The following LAMB3 variants were observed in gnomAD, a reference collection of about 807,000 sequenced individuals.
The protein encoded by LAMB3 is laminin subunit beta-3.
Under a neutral mutation model 140.3 loss-of-function variants are expected in LAMB3, and 104 were observed. The ratio of observed to expected loss-of-function variants is 0.74; its 90% confidence interval spans 0.63 to 0.87. The LOEUF is 0.87. LAMB3 is among the 40% of genes least tolerant of loss of function. The pLI is 0.00. For missense variants in LAMB3, 1,531 were observed against 1,575.2 expected, an observed-to-expected ratio of 0.97 and a Z score of 0.47; for synonymous variants, 592 against 602.9, an observed-to-expected ratio of 0.98 and a Z score of 0.26.
chr1:209,621,671 A>C (rs1412382218), intron 18 of LAMB3, among the ~76,000 whole-genome samples: 1 of 152,218 alleles, frequency 6.6e-6, no homozygotes, highest in East Asian at 1.9e-4. Flanking sequence ...CCCCATTTAT[A>C]GAAGCAAAAG....
rs751096261 is a variant in LAMB3 at position 209,625,701 on chromosome 1, G to A, written c.1923C>T (p.Pro641=). ...GAGCCACCTCCTGCTCTGTGACTGC[G>A]GGGCTGCTGAGAACTGCTCGGATCT... The part of the protein sequence containing the change: ...IEQIRAVLSS[P]AVTEQEVAQV... Residue 641 remains proline, a synonymous_variant, in exon 14 of 23, where the codon CCC becomes CCT. Transcript: ENST00000356082. The A allele has an allele frequency of 2.4e-5, 38 of 1,614,058 alleles. No homozygotes were observed. Among genetic ancestry groups the A allele is most frequent in the East Asian group, 6.7e-5 (3 of 44,904 alleles).
At chr1:209,620,173 T>C (rs1473016146) in intron 18 of LAMB3, among the ~76,000 whole-genome samples, 1 of 152,214 alleles carries the variant, frequency 6.6e-6, no homozygotes, top group Non-Finnish European at 1.5e-5. Flanking sequence ...CAGGATGGGC[T>C]CAGTAAATAT....
chr1:209,615,325 C>T lies in LAMB3; in HGVS notation c.3465G>A (p.Glu1155=). The change falls in exon 23 of 23, where the codon GAG becomes GAA. Residue 1155 remains glutamate (E), a synonymous_variant. Coordinates refer to ENST00000356082, the MANE Select transcript of LAMB3 (RefSeq NM_000228.3). The stretch of plus-strand genomic sequence containing the variant: ...GCCCATTGATGTGGTCACGGATCTG[C>T]TCCACACGCTTCTCCAGTCCTGTCA... ...ADLTGLEKRV[E]QIRDHINGRV... 1 of 1,614,100 alleles carries T rather than the reference C, an allele frequency of 6.2e-7. No homozygotes were observed. The highest frequency in any genetic ancestry group is 1.1e-5 in the South Asian group (1 of 91,070).
At chr1:209,618,860 A>G (rs977464431) in intron 18 of LAMB3, 13 of 632,694 alleles carry the variant, frequency 2.1e-5, no homozygotes, top group Non-Finnish European at 3.4e-5. Flanking sequence ...GAGGATGACT[A>G]TCCTGTGCTC....
chr1:209,649,695 A>G (rs1349732938), intron 3 of LAMB3, among the ~76,000 whole-genome samples: 3 of 152,226 alleles, frequency 2.0e-5, no homozygotes, highest in Admixed American at 6.5e-5. Flanking sequence ...GCCCATGCCC[A>G]AGGACTGAGA....
intron 5 of LAMB3, among the ~76,000 whole-genome samples, chr1:209,636,349 G>A (rs1460258942): frequency 1.3e-5 from 2 of 152,148 alleles, no homozygotes; most frequent in African/African-American, 4.8e-5. Flanking sequence ...AACCAAAAAT[G>A]TCTCCAGAAA....
chr1:209,616,674 A>T, intron 21 of LAMB3, 50 bp from the exon 22 acceptor site: 1 of 1,593,342 alleles, frequency 6.3e-7, no homozygotes, highest in Non-Finnish European at 8.6e-7. Context: ...GCAAGGTCCT[A>T]AAGACCTGTG....
Position 209,623,081 on chromosome 1 carries a change from C to T in LAMB3, c.2457G>A (p.Arg819=), listed in dbSNP as rs61734500. Residue 819 remains arginine, a synonymous_variant, in exon 17 of 23, where the codon AGG becomes AGA. Coordinates refer to ENST00000356082, the MANE Select transcript of LAMB3 (RefSeq NM_000228.3). This position sits in a 1 kb window ranked among gnomAD's most constrained non-coding sequence, Gnocchi z 4.2. ...DNGTACGSRC[R]GVLPRAGGAF... ...CCCCACCGGCCCTGGGAAGGACACCCCTGCAGCGGGAGCCACAGGCTGTGC... is the reference window on the plus strand; with the variant it reads ...CCCCACCGGCCCTGGGAAGGACACCTCTGCAGCGGGAGCCACAGGCTGTGC... 19 of 1,614,236 alleles carry T rather than the reference C, an allele frequency of 1.2e-5. No individual in the cohort carries two copies. Among genetic ancestry groups the T allele is most frequent in the Non-Finnish European group, 1.3e-5 (15 of 1,180,048 alleles).
At chr1:209,619,898 T>C (rs185984387) in intron 18 of LAMB3, among the ~76,000 whole-genome samples, 11 of 152,342 alleles carry the variant, frequency 7.2e-5, no homozygotes, top group African/African-American at 1.9e-4. Context: ...GGGGCTTGCA[T>C]GCAGCATAAC....
intron 5 of LAMB3, among the ~76,000 whole-genome samples, chr1:209,635,310 C>T (rs1014093567): frequency 2.6e-5 from 4 of 152,206 alleles, no homozygotes; most frequent in Non-Finnish European, 5.9e-5. Flanking sequence ...AGGGTCCCCT[C>T]CTGCCTGATC....
intron 3 of LAMB3, among the ~76,000 whole-genome samples, chr1:209,648,294 A>G (rs1164075764): frequency 6.6e-6 from 1 of 152,230 alleles, no homozygotes; most frequent in Admixed American, 6.5e-5. Context: ...AAGGACAGCG[A>G]GGCTTACACA....
Position 209,622,550 on chromosome 1 carries a change from C to T in LAMB3, c.2687G>A (p.Arg896Gln), listed in dbSNP as rs147033674. The change falls in exon 18 of 23, where the codon CGG becomes CAG. Residue 896 changes from arginine to glutamine, a missense_variant. Transcript: ENST00000356082. ...ACTGGGCTCACCTGTTAGGAAGTCC[C>T]GGACCTGCTGGATTAGGAGCCGTGT... is the stretch of plus-strand genomic sequence containing the variant. ...RRTRLLIQQVRDFLTDPDTDA... is the reference protein window; with the variant it reads ...RRTRLLIQQVQDFLTDPDTDA... 75 of 1,613,946 alleles carry T rather than the reference C, an allele frequency of 4.6e-5. No individual in the cohort carries two copies. The African/African-American group carries it at 7.2e-4, about 15-fold the overall frequency.
intron 18 of LAMB3, 112 bp from the exon 19 acceptor site, chr1:209,618,771 G>T: frequency 2.0e-6 from 2 of 1,019,806 alleles, no homozygotes; most frequent in Non-Finnish European, 3.0e-6. Context: ...CCCCTCTACC[G>T]TGGTGTCCCA....
chr1:209,628,114 C>A lies in LAMB3; in HGVS notation c.1209G>T (p.Glu403Asp). 2.5e-6 allele frequency: 4 copies of A among 1,595,696 alleles called. No individual in the cohort carries two copies. Among genetic ancestry groups the A allele is most frequent in the Non-Finnish European group, 3.4e-6 (4 of 1,170,456 alleles). ...GGTCACAGCGCTCTCCCTGCACATG[C>A]TCCTTGCACACACACTGCCCGGTCA... ...DPVTGQCVCKEHVQGERCDLC... is the reference protein window; with the variant it reads ...DPVTGQCVCKDHVQGERCDLC... Residue 403 changes from glutamate (E) to aspartate (D), a missense_variant, in exon 11 of 23, where the codon GAG becomes GAT. Physicochemically the swap from Glu to Asp is conservative, Grantham distance 45. Transcript: ENST00000356082.
chr1:209,625,317 CAG>C (rs920422433), intron 14 of LAMB3, among the ~76,000 whole-genome samples: 2 of 152,148 alleles, frequency 1.3e-5, no homozygotes, highest in Non-Finnish European at 2.9e-5. Context: ...TGCCCTCCGC[CAG>C]GGTGACTAAT....
chr1:209,626,506 A>G (rs574652150), intron 13 of LAMB3, among the ~76,000 whole-genome samples: 4 of 152,320 alleles, frequency 2.6e-5, no homozygotes, highest in African/African-American at 9.6e-5. Context: ...GTGGGAAACG[A>G]CACCCTTTCC....
rs374016408 is a variant in LAMB3, at chr1:209,625,838, C to A, written c.1786G>T (p.Ala596Ser). ...TTGCGGAGTCTACCAAAGCGCAGGGCCTGCTCCCGGAGGTCCGCATCATAG... is the reference window on the plus strand; with the variant it reads ...TTGCGGAGTCTACCAAAGCGCAGGGACTGCTCCCGGAGGTCCGCATCATAG... ...QTYDADLREQ[A>S]LRFGRLRNAT... The change falls in exon 14 of 23, where the codon GCC becomes TCC. Residue 596 changes from alanine to serine, a missense_variant. By Grantham distance (99) the Ala-to-Ser change is moderately conservative. Coordinates refer to ENST00000356082, the MANE Select transcript of LAMB3 (RefSeq NM_000228.3). 6.4e-5 allele frequency: 103 copies of A among 1,613,990 alleles called. 1 individual carries two copies. The South Asian group carries it at 1.1e-3, about 17-fold the overall frequency.
chr1:209,645,722 G>GAAA lies in LAMB3; in HGVS notation c.183+4239_183+4241dup, dbSNP rs36106096. On this transcript the variant is annotated intron_variant, in intron 3 of 22. Transcript: ENST00000356082. ...CAGAGCAAGACTCTGTGTCCCAGGG[G>GAAA]AAAAAAAAAAAAAAAAGCAGATATT... is the stretch of plus-strand genomic sequence containing the variant. Among the ~76,000 whole-genome samples, 603 of 137,406 alleles carry GAAA rather than the reference G, an allele frequency of 4.4e-3. 9 individuals carry two copies. The highest frequency in any genetic ancestry group is 0.014 in the African/African-American group (507 of 37,368). The allele number at this position is 137,406 out of a possible 152,430, so 90.1% of individuals were successfully genotyped here.
intron 3 of LAMB3, among the ~76,000 whole-genome samples, chr1:209,646,013 A>G (rs2076514789): frequency 6.6e-6 from 1 of 152,220 alleles, no homozygotes; most frequent in African/African-American, 2.4e-5. Flanking sequence ...CAAGAGATAA[A>G]AATGACAGCT....
Sources: allele counts gnomAD v4.1 joint callset (sites outside exome capture counted in the v4.1 genomes callset), GRCh38; gene constraint gnomAD v4.1.1; non-coding constraint Gnocchi (gnomAD v3.1); transcripts MANE v1.5; gene names NCBI Gene and HGNC (gene_info 2026-07-23, HGNC 2026-07-21).